MMP26: variants seen among roughly 807,000 people sequenced by gnomAD.
MMP26 encodes matrix metalloproteinase-26.
A neutral mutation model predicts 31.0 loss-of-function variants in MMP26; 33 were observed. The ratio of observed to expected loss-of-function variants is 1.06; its 90% confidence interval spans 0.81 to 1.42. The LOEUF is 1.42. MMP26 is among the 40% of genes most tolerant of loss of function. The pLI is 0.00. For synonymous variants in MMP26, 122 were observed against 114.9 expected (o/e 1.06, Z -0.40); for missense variants, 347 against 316.1 (o/e 1.10, Z -0.74).
chr11:4,796,701 G>T (rs903265979), intron 2 of MMP26, among the ~76,000 whole-genome samples: 13 of 152,136 alleles, frequency 8.5e-5, no homozygotes, highest in Non-Finnish European at 1.8e-4. Context: ...GGCAGGGAAG[G>T]GTGGGAATTT....
At chr11:4,886,415 G>T (rs1012131558) in intron 2 of MMP26, among the ~76,000 whole-genome samples, 19 of 152,030 alleles carry the variant, frequency 1.2e-4, no homozygotes, top group African/African-American at 4.6e-4. Flanking sequence ...ACCTTCCCAG[G>T]TTCTTGCAAA....
At chr11:4,946,195 C>T (rs1203783373) in intron 2 of MMP26, 7 of 1,614,002 alleles carry the variant, frequency 4.3e-6, no homozygotes, top group Non-Finnish European at 5.9e-6. Context: ...CTACAACTCT[C>T]ACTCTAATCT....
At chr11:4,816,913 T>G (rs1849428938) in intron 2 of MMP26, among the ~76,000 whole-genome samples, 1 of 151,142 alleles carries the variant, frequency 6.6e-6, no homozygotes, top group Non-Finnish European at 1.5e-5. Context: ...GGTTTCACCA[T>G]GTTAGCCAGG....
rs142498900 is a variant in MMP26 at position 4,841,492 on chromosome 11, A to G, written c.-145+74151A>G. Among the ~76,000 whole-genome samples, 8 of 152,338 alleles carry G rather than the reference A, an allele frequency of 5.3e-5. No homozygotes were observed. The East Asian group carries it at 1.5e-3, about 29-fold the overall frequency. On this transcript the variant is annotated intron_variant, in intron 2 of 7. Transcript: ENST00000380390. ...AACTTACAGGCCAGGAGAGAGTAACATAAGATAATTAAAGTGCTCTCAAGG... is the reference window on the plus strand; with the variant it reads ...AACTTACAGGCCAGGAGAGAGTAACGTAAGATAATTAAAGTGCTCTCAAGG...
intron 2 of MMP26, among the ~76,000 whole-genome samples, chr11:4,796,162 G>T (rs1323379046): frequency 6.6e-6 from 1 of 152,156 alleles, no homozygotes; most frequent in Admixed American, 6.5e-5. Context: ...CTACAGCATC[G>T]CTTGTCTCAG....
intron 2 of MMP26, chr11:4,860,448 G>A (rs1473072195): frequency 2.1e-6 from 1 of 470,918 alleles, no homozygotes; most frequent in Admixed American, 2.3e-5. Context: ...CCAGGAGTGT[G>A]AGTGTGTAGA....
At chr11:4,950,960 C>T (rs1200800376) in intron 2 of MMP26, among the ~76,000 whole-genome samples, 4 of 123,720 alleles carry the variant, frequency 3.2e-5, no homozygotes, top group Non-Finnish European at 5.5e-5. Flanking sequence ...TCTTTGGTGA[C>T]AAAGTTTAGC....
intron 1 of MMP26, chr11:4,722,650 C>A: frequency 1.5e-6 from 1 of 658,970 alleles, no homozygotes; most frequent in Non-Finnish European, 2.7e-6. Context: ...TCCCCTGTTC[C>A]CTGTGCTACC....
chr11:4,726,254 A>G (rs1185765665), intron 1 of MMP26, among the ~76,000 whole-genome samples: 2 of 152,132 alleles, frequency 1.3e-5, no homozygotes, highest in Non-Finnish European at 2.9e-5. Context: ...AGGAGAATGG[A>G]TCACTTGAGG....
chr11:4,749,320 T>C (rs1848419044), intron 1 of MMP26, among the ~76,000 whole-genome samples: 1 of 151,928 alleles, frequency 6.6e-6, no homozygotes, highest in South Asian at 2.1e-4. Context: ...CCCATAATCA[T>C]GGATCAAAAA....
chr11:4,839,694 G>C (rs574332699), intron 2 of MMP26, among the ~76,000 whole-genome samples: 1 of 151,762 alleles, frequency 6.6e-6, no homozygotes, highest in African/African-American at 2.4e-5. Context: ...GCAATACCCA[G>C]GTACTACGTC....
intron 2 of MMP26, chr11:4,769,582 C>T (rs1248483156): frequency 6.2e-7 from 1 of 1,613,244 alleles, no homozygotes; most frequent in Non-Finnish European, 8.5e-7. Context: ...CTCCAGATTC[C>T]ATAAAAGTGA....
At chr11:4,769,526 G>T in intron 2 of MMP26, 1 of 1,613,758 alleles carries the variant, frequency 6.2e-7, no homozygotes, top group Non-Finnish European at 8.5e-7. Flanking sequence ...GTACCTCAGA[G>T]GGTCACAGAT....
chr11:4,804,485 T>C (rs1849236905), intron 2 of MMP26: 1 of 869,284 alleles, frequency 1.2e-6, no homozygotes, highest in Non-Finnish European at 2.0e-6. Flanking sequence ...GATGGGACTA[T>C]TGGATACCAG....
At chr11:4,781,338 G>C (rs571286658) in intron 2 of MMP26, among the ~76,000 whole-genome samples, 1 of 71,688 alleles carries the variant, frequency 1.4e-5, no homozygotes, top group South Asian at 3.0e-4. Flanking sequence ...ATGAGGTCAG[G>C]AGATCGAGAC....
At chr11:4,888,133 G>C (rs2133545669) in intron 2 of MMP26, among the ~76,000 whole-genome samples, 1 of 152,214 alleles carries the variant, frequency 6.6e-6, no homozygotes, top group South Asian at 2.1e-4. Context: ...AACTTAGGCA[G>C]TAAAACATTG....
chr11:4,778,603 A>T (rs578077110), intron 2 of MMP26, among the ~76,000 whole-genome samples: 43 of 152,170 alleles, frequency 2.8e-4, no homozygotes, highest in Middle Eastern at 3.4e-3. Flanking sequence ...AGGCAATTCT[A>T]TATACTTCAC....
At chr11:4,798,177 C>T (rs1160691874) in intron 2 of MMP26, among the ~76,000 whole-genome samples, 1 of 152,212 alleles carries the variant, frequency 6.6e-6, no homozygotes, top group Non-Finnish European at 1.5e-5. Context: ...GACTGACAGT[C>T]CAGATTCATC....
chr11:4,816,697 CTTTTTTTTTTT>C (rs747753151), intron 2 of MMP26, among the ~76,000 whole-genome samples: 11 of 79,386 alleles, frequency 1.4e-4, no homozygotes, highest in Admixed American at 4.1e-4. Context: ...TGGGTGCCTT[CTTTTTTTTTTT>C]TTTTTTTTTT....
Sources: gnomAD v4.1 joint callset for allele counts (sites outside exome capture counted in the v4.1 genomes callset) on GRCh38, gnomAD v4.1.1 for gene constraint, MANE v1.5 for transcripts, NCBI Gene and HGNC (gene_info 2026-07-23, HGNC 2026-07-21) for gene names.